Variants in ARG2 observed in about 807,000 individuals in gnomAD.
ARG2 encodes the protein arginase-2, mitochondrial.
In ARG2, 21 loss-of-function variants were observed where a neutral mutation model predicts 39.4. The ratio of observed to expected loss-of-function variants is 0.53; its 90% CI spans 0.38 to 0.77. The LOEUF is 0.77. Among genes scored for constraint, ARG2 ranks in the 30% least tolerant of loss-of-function variants. The probability of loss-of-function intolerance (pLI) is 0.00; values close to 1 mark genes in which losing one functional copy is unlikely to be tolerated. For synonymous variants in ARG2, 150 were observed against 156.7 expected (o/e 0.96, Z 0.32); for missense variants, 378 against 426.2 (o/e 0.89, Z 1.00).
At chr14:67,625,680 CAAAAAAA>C (rs1176476000) in intron 2 of ARG2, among the ~76,000 whole-genome samples, 1 of 32,128 alleles carries the variant, frequency 3.1e-5, no homozygotes, top group African/African-American at 1.0e-4. Context: ...AACTCCATCT[CAAAAAAA>C]AAAAAAAAAA....
chr14:67,623,534 C>CTTTTTTTTTT (rs60604937), intron 2 of ARG2, among the ~76,000 whole-genome samples: 2 of 82,924 alleles, frequency 2.4e-5, no homozygotes, highest in Non-Finnish European at 4.4e-5. Flanking sequence ...CTCAGGTAAC[C>CTTTTTTTTTT]TTTTTTTTTT....
At chr14:67,634,847 C>T (rs1264537099) in intron 2 of ARG2, among the ~76,000 whole-genome samples, 3 of 152,214 alleles carry the variant, frequency 2.0e-5, no homozygotes, top group Non-Finnish European at 4.4e-5. Context: ...TTATCCCTCT[C>T]TATTAATGAC....
chr14:67,626,237 G>A (rs2036865000), intron 2 of ARG2, among the ~76,000 whole-genome samples: 1 of 151,858 alleles, frequency 6.6e-6, no homozygotes. Flanking sequence ...CTGGGCAACA[G>A]AGTGAGACTC....
rs559522718 is a variant in ARG2 at position 67,651,576 on chromosome 14, C to G, written c.*656C>G. On this transcript the variant is annotated 3_prime_UTR_variant, in exon 8 of 8. Transcript: ENST00000261783. ...AGACCTGGGACCACGGCTGGATACT[C>G]TGAGGCTGTATGTTTGATCACACAG... The G allele has an allele frequency of 9.9e-5, 138 of 1,391,570 alleles. No homozygotes were observed. The African/African-American group carries it at 1.7e-3, about 17-fold the overall frequency. 86.2% of individuals were successfully genotyped at this position (1,391,570 alleles called of 1,614,324 possible).
At chr14:67,638,514 TAGG>T (rs1051411852) in intron 2 of ARG2, among the ~76,000 whole-genome samples, 12 of 152,196 alleles carry the variant, frequency 7.9e-5, no homozygotes, top group Admixed American at 3.9e-4. Flanking sequence ...CTATTTGTCA[TAGG>T]AGTTCTTCTT....
chr14:67,642,418 A>AT, intron 3 of ARG2, 55 bp downstream of exon 3: 1 of 1,570,206 alleles, frequency 6.4e-7, no homozygotes, highest in Non-Finnish European at 8.7e-7. Flanking sequence ...CTTGGGGCTC[A>AT]TAACTTAGCT....
At position 67,650,889 on chromosome 14, in the gene ARG2, A is replaced by G. The variant is rs761870615; in HGVS notation, c.1034A>G (p.Glu345Gly). ...CTTCCTACTCCCAGTTCACCAGATGAATCAGAAAATCAAGCACGTGTGAGA... is the reference window on the plus strand; with the variant it reads ...CTTCCTACTCCCAGTTCACCAGATGGATCAGAAAATCAAGCACGTGTGAGA... Reference protein sequence around the residue: ...DQLPTPSSPDESENQARVRI With the variant: ...DQLPTPSSPDGSENQARVRI The change falls in exon 8 of 8, where the codon GAA (glutamate) becomes GGA (glycine). Residue 345 changes from glutamate to glycine, a missense_variant. Physicochemically the swap from Glu to Gly is moderately conservative, Grantham distance 98 (BLOSUM62 -2). Coordinates refer to ENST00000261783, the MANE Select transcript of ARG2 (RefSeq NM_001172.4). 6.2e-7 allele frequency: 1 copy of G among 1,614,124 alleles called. No homozygotes were observed. The highest frequency in any genetic ancestry group is 8.5e-7 in the Non-Finnish European group (1 of 1,179,960).
chr14:67,635,362 C>CT (rs2036960906), intron 2 of ARG2, among the ~76,000 whole-genome samples: 1 of 152,212 alleles, frequency 6.6e-6, no homozygotes, highest in Non-Finnish European at 1.5e-5. Flanking sequence ...ATAACAGTCT[C>CT]TTCAAAGGTT....
intron 2 of ARG2, among the ~76,000 whole-genome samples, chr14:67,626,624 C>A (rs1385669216): frequency 6.6e-6 from 1 of 152,160 alleles, no homozygotes; most frequent in Non-Finnish European, 1.5e-5. Context: ...GCAAGCACCA[C>A]CATGCCCAGC....
At chr14:67,631,609 A>G (rs1419825782) in intron 2 of ARG2, among the ~76,000 whole-genome samples, 3 of 151,362 alleles carry the variant, frequency 2.0e-5, no homozygotes, top group African/African-American at 2.4e-5. Context: ...TAACTTATTT[A>G]TTTTTAGATA....
intron 2 of ARG2, among the ~76,000 whole-genome samples, chr14:67,629,906 A>G (rs1368849025): frequency 6.6e-6 from 1 of 152,252 alleles, no homozygotes; most frequent in African/African-American, 2.4e-5. Flanking sequence ...CAGAAAGTCC[A>G]CTTAAAAGTG....
At chr14:67,632,770 T>G (rs1000451393) in intron 2 of ARG2, among the ~76,000 whole-genome samples, 1 of 146,840 alleles carries the variant, frequency 6.8e-6, no homozygotes, top group Non-Finnish European at 1.5e-5. Context: ...AAGGGAGGTC[T>G]CTTTCTTTAT....
In ARG2 at chr14:67,651,384, T is replaced by C; in HGVS notation, c.*464T>C. 1.2e-6 allele frequency: 2 copies of C among 1,613,746 alleles called. No homozygotes were observed. Among genetic ancestry groups the C allele is most frequent in the Non-Finnish European group, 1.7e-6 (2 of 1,179,732 alleles). Reference sequence around the variant, plus strand: ...GTCCACAAACCCTTCCCTATAGAAGTTCAATGGCTGCGAAAGAATTTGTAG... The same window carrying C: ...GTCCACAAACCCTTCCCTATAGAAGCTCAATGGCTGCGAAAGAATTTGTAG... On this transcript the variant is annotated 3_prime_UTR_variant, in exon 8 of 8. Coordinates refer to ENST00000261783, the MANE Select transcript of ARG2 (RefSeq NM_001172.4).
intron 6 of ARG2, chr14:67,647,790 A>T (rs751321815): frequency 2.9e-5 from 13 of 452,246 alleles, no homozygotes; most frequent in Middle Eastern, 5.9e-4. Context: ...GTAAGGCAGA[A>T]ATATACATTG....
chr14:67,643,147 T>C (rs79721951), intron 3 of ARG2, among the ~76,000 whole-genome samples: 149 of 152,342 alleles, frequency 9.8e-4, no homozygotes, highest in African/African-American at 3.5e-3. Context: ...TAGTGACTCA[T>C]GCAATCAGTC....
At chr14:67,620,412 G>C (rs1406774178) in intron 1 of ARG2, among the ~76,000 whole-genome samples, 1 of 152,096 alleles carries the variant, frequency 6.6e-6, no homozygotes, top group East Asian at 1.9e-4. Flanking sequence ...AGGATTCCTT[G>C]GAGGGGCTGG....
At chr14:67,647,805 TAGTC>T (rs1251110545) in intron 6 of ARG2, 3 of 493,132 alleles carry the variant, frequency 6.1e-6, no homozygotes, top group Middle Eastern at 5.5e-4. Context: ...ACATTGGAGT[TAGTC>T]TGTCTGAGGT....
intron 1 of ARG2, 98 bp downstream of exon 1, chr14:67,620,186 G>C: frequency 1.2e-6 from 1 of 843,820 alleles, no homozygotes; most frequent in Non-Finnish European, 1.8e-6. Context: ...GGCGAGGAGA[G>C]GATGGGGAGA....
intron 7 of ARG2, 51 bp downstream of exon 7, chr14:67,648,234 A>G (rs778534550): frequency 6.4e-7 from 1 of 1,563,238 alleles, no homozygotes. Context: ...TAAATATGCT[A>G]GAGTCTCTTG....
Sources: allele counts gnomAD v4.1 joint callset (sites outside exome capture counted in the v4.1 genomes callset), GRCh38; gene constraint gnomAD v4.1.1; transcripts MANE v1.5; gene names NCBI Gene and HGNC (gene_info 2026-07-23, HGNC 2026-07-21).